Variants in DCC observed in about 807,000 individuals in gnomAD.
The protein encoded by DCC is DCC netrin 1 receptor, also known as netrin receptor DCC.
Under a neutral mutation model 172.5 loss-of-function variants are expected in DCC, and 58 were observed. That is an observed-to-expected ratio of 0.34 (90% CI 0.27 to 0.42). The LOEUF is 0.42. Ranked by LOEUF, DCC falls within the 10% of genes least tolerant of loss-of-function variation. The pLI is 1.00. For synonymous variants in DCC, 709 were observed against 644.5 expected (o/e 1.10, Z -1.52); for missense variants, 1,740 against 1,791.0 (o/e 0.97, Z 0.51).
chr18:52,520,519 G>T (rs77257786), intron 1 of DCC, among the ~76,000 whole-genome samples: 1 of 152,232 alleles, frequency 6.6e-6, no homozygotes, highest in East Asian at 1.9e-4. Flanking sequence ...AGATGTCCAA[G>T]ATTGTGGATA....
At chr18:53,330,820 C>A (rs72925381) in intron 14 of DCC, among the ~76,000 whole-genome samples, 2 of 152,298 alleles carry the variant, frequency 1.3e-5, no homozygotes, top group African/African-American at 4.8e-5. Context: ...TTTCTCTTAT[C>A]TGAGTTTCAC....
At chr18:52,723,618 C>T (rs1460566151) in intron 1 of DCC, among the ~76,000 whole-genome samples, 3 of 152,290 alleles carry the variant, frequency 2.0e-5, no homozygotes, top group East Asian at 3.9e-4. Context: ...GCCCTGCAGC[C>T]AGCATACCTG....
At chr18:52,533,690 A>G (rs1455924524) in intron 1 of DCC, among the ~76,000 whole-genome samples, 2 of 152,134 alleles carry the variant, frequency 1.3e-5, no homozygotes, top group Admixed American at 6.6e-5. Context: ...GAATAAAGCT[A>G]CTGTGAGCAT....
At chr18:52,847,958 C>T (rs2145333556) in intron 2 of DCC, among the ~76,000 whole-genome samples, 1 of 152,166 alleles carries the variant, frequency 6.6e-6, no homozygotes, top group South Asian at 2.1e-4. Flanking sequence ...GAATTGACAT[C>T]AGTTTGTGCC....
chr18:52,991,219 A>T (rs1286896744), intron 5 of DCC, among the ~76,000 whole-genome samples: 1 of 152,152 alleles, frequency 6.6e-6, no homozygotes, highest in Non-Finnish European at 1.5e-5. Flanking sequence ...GTTTAAACTC[A>T]CAATCATGCA....
At chr18:52,569,736 G>A (rs1289902068) in intron 1 of DCC, among the ~76,000 whole-genome samples, 2 of 152,180 alleles carry the variant, frequency 1.3e-5, no homozygotes, top group African/African-American at 2.4e-5. Flanking sequence ...GTAAGGTGGG[G>A]TGGAGTTGGT....
chr18:53,205,475 A>G (rs978362433), intron 10 of DCC, 111 bp downstream of exon 10: 56 of 1,000,380 alleles, frequency 5.6e-5, no homozygotes, highest in Middle Eastern at 2.1e-4. Context: ...GAAACAGCCC[A>G]GTGTTAACAC....
intron 1 of DCC, among the ~76,000 whole-genome samples, chr18:52,690,491 A>T (rs2035914541): frequency 6.6e-6 from 1 of 152,170 alleles, no homozygotes; most frequent in East Asian, 1.9e-4. Context: ...AAATTACAGA[A>T]ATGAAATAGT....
intron 1 of DCC, among the ~76,000 whole-genome samples, chr18:52,541,004 G>A (rs963150742): frequency 1.3e-5 from 2 of 152,178 alleles, no homozygotes; most frequent in Admixed American, 1.3e-4. Flanking sequence ...AAGGATGAAA[G>A]TAGTGTTTTA....
At position 52,983,629 on chromosome 18, in the gene DCC, G is replaced by A. The variant is rs114990699; in HGVS notation, c.985+58259G>A. ...TTATCTGAATGTTTGTAACTAAGAC[G>A]TAACTAGAGAAGATCCAGCATACCA... On this transcript the variant is annotated intron_variant, in intron 5 of 28. Coordinates refer to ENST00000442544, the MANE Select transcript of DCC (RefSeq NM_005215.4). Among the ~76,000 whole-genome samples the A allele has an allele frequency of 2.9e-3, 439 of 152,198 alleles. 2 individuals carry two copies. The highest frequency in any genetic ancestry group is 1.0e-2 in the African/African-American group (415 of 41,548).
At chr18:53,177,080 C>CA (rs887128867) in intron 8 of DCC, among the ~76,000 whole-genome samples, 5 of 149,540 alleles carry the variant, frequency 3.3e-5, no homozygotes, top group Admixed American at 2.0e-4. Context: ...ATCGCAAGAA[C>CA]AAAAAACCAA....
intron 2 of DCC, among the ~76,000 whole-genome samples, chr18:52,774,459 T>C (rs2037393891): frequency 6.6e-6 from 1 of 152,234 alleles, no homozygotes; most frequent in Non-Finnish European, 1.5e-5. Flanking sequence ...CTACATCTTC[T>C]TCCCTGTTTA....
chr18:53,435,669 T>C (rs918814087), intron 22 of DCC, among the ~76,000 whole-genome samples: 4 of 152,140 alleles, frequency 2.6e-5, no homozygotes, highest in African/African-American at 9.6e-5. Context: ...TTCTTCAAAA[T>C]CCTCTACCAT....
At chr18:53,281,679 A>G (rs1056814787) in intron 12 of DCC, among the ~76,000 whole-genome samples, 1 of 151,952 alleles carries the variant, frequency 6.6e-6, no homozygotes, top group African/African-American at 2.4e-5. Flanking sequence ...TTTGCAAGGC[A>G]GTTGCTAAAC....
intron 18 of DCC, among the ~76,000 whole-genome samples, chr18:53,400,146 G>T (rs904349797): frequency 6.6e-6 from 1 of 152,078 alleles, no homozygotes; most frequent in Non-Finnish European, 1.5e-5. Flanking sequence ...TTGTGGACAA[G>T]TTAAAATCAG....
At chr18:52,675,759 G>A (rs1423634435) in intron 1 of DCC, among the ~76,000 whole-genome samples, 1 of 152,086 alleles carries the variant, frequency 6.6e-6, no homozygotes, top group East Asian at 1.9e-4. Context: ...GAAGATTTTC[G>A]GCAACAAGCG....
chr18:53,259,497 T>G (rs574098368), intron 12 of DCC, among the ~76,000 whole-genome samples: 1 of 152,344 alleles, frequency 6.6e-6, no homozygotes, highest in African/African-American at 2.4e-5. Context: ...TATGAAATTC[T>G]GGGTTGAAAA....
intron 12 of DCC, among the ~76,000 whole-genome samples, chr18:53,221,084 A>C (rs549245213): frequency 1.3e-5 from 2 of 152,226 alleles, no homozygotes; most frequent in East Asian, 3.9e-4. Context: ...GATCTCTTCC[A>C]TCCTGTCTTT....
chr18:53,082,178 G>A (rs548808951), intron 7 of DCC, among the ~76,000 whole-genome samples: 34 of 152,084 alleles, frequency 2.2e-4, no homozygotes, highest in African/African-American at 8.2e-4. Context: ...GCCATGTACA[G>A]GTTTTGTGGG....
Sources: allele counts gnomAD v4.1 joint callset (sites outside exome capture counted in the v4.1 genomes callset), GRCh38; gene constraint gnomAD v4.1.1; transcripts MANE v1.5; gene names NCBI Gene and HGNC (gene_info 2026-07-23, HGNC 2026-07-21).